The following KIF21B variants were observed in gnomAD, a reference collection of about 807,000 sequenced individuals.
KIF21B encodes kinesin family member 21B, also known as kinesin-like protein KIF21B.
KIF21B carries 85 observed loss-of-function variants against 192.9 expected under a neutral mutation model. That is an observed-to-expected ratio of 0.44 (90% CI 0.37 to 0.53). The LOEUF is 0.53. Ranked by LOEUF, KIF21B falls within the 20% of genes least tolerant of loss-of-function variation. KIF21B has a pLI of 0.00. For missense variants in KIF21B, 1,716 were observed against 2,194.8 expected (o/e 0.78, Z 4.36); for synonymous variants, 832 against 884.6 (o/e 0.94, Z 1.05).
chr1:200,999,296 C>T lies in KIF21B; in HGVS notation c.1885+53G>A. ...AGCAGGGCCCGACCCCACACTTGGG[C>T]ACTGGCAGCCAGGCATTGCATCCCC... On this transcript the variant is annotated intron_variant, in intron 13 of 34. Transcript: ENST00000461742. This position sits in a 1 kb window ranked among gnomAD's most constrained non-coding sequence, Gnocchi z 4.7. 1.2e-6 allele frequency: 2 copies of T among 1,611,022 alleles called. No individual in the cohort carries two copies. The highest frequency in any genetic ancestry group is 2.2e-5 in the South Asian group (2 of 91,048).
intron 1 of KIF21B, among the ~76,000 whole-genome samples, chr1:201,015,929 T>G (rs12121970): frequency 0.08 from 12,179 of 152,252 alleles, 667 homozygotes; most frequent in Non-Finnish European, 0.12. Context: ...ATATCCCTCT[T>G]GCCTTGTTCT....
At position 200,971,032 on chromosome 1, in the gene KIF21B, G is replaced by GGCCT. The variant is rs1655184925; in HGVS notation, c.*2485_*2488dup. 6.5e-6 allele frequency: 1 copy of GGCCT among 152,880 alleles called. No homozygotes were observed. Among genetic ancestry groups the GGCCT allele is most frequent in the African/African-American group, 2.4e-5 (1 of 41,468 alleles). 9.5% of individuals were successfully genotyped at this position (152,880 alleles called of 1,614,324 possible). On this transcript the variant is annotated 3_prime_UTR_variant, in exon 35 of 35. Coordinates refer to ENST00000461742, the MANE Select transcript of KIF21B (RefSeq NM_001252102.2). Reference sequence around the variant, plus strand: ...ACGTGGGGGGATCCTCCCGGGCCTGGGCCTGTCAAGTCTGCCTGCGGGACC... The same window carrying GGCCT: ...ACGTGGGGGGATCCTCCCGGGCCTGGGCCTGCCTGTCAAGTCTGCCTGCGGGACC...
Position 200,972,704 on chromosome 1 carries a change from G to A in KIF21B, c.*817C>T, listed in dbSNP as rs972347359. 1.3e-5 allele frequency: 2 copies of A among 152,622 alleles called. No homozygotes were observed. Among genetic ancestry groups the A allele is most frequent in the Admixed American group, 6.5e-5 (1 of 15,292 alleles). The allele number at this position is 152,622 out of a possible 1,614,324, so 9.5% of individuals were successfully genotyped here. On this transcript the variant is annotated 3_prime_UTR_variant, in exon 35 of 35. Coordinates refer to ENST00000461742, the MANE Select transcript of KIF21B (RefSeq NM_001252102.2). ...AGGCCTGAGCTGCAGAGTCGAAGGA[G>A]CAGTTCCCTCCTCTGCAAAGCAAAC...
At chr1:200,979,841 T>C (rs1203650080) in intron 29 of KIF21B, 126 bp from the exon 30 acceptor site, 1 of 709,374 alleles carries the variant, frequency 1.4e-6, no homozygotes, top group Non-Finnish European at 2.2e-6. Context: ...AGGACGGAGC[T>C]CCAGGTCTGA....
chr1:200,977,039 A>T, intron 31 of KIF21B, 146 bp from the exon 32 acceptor site: 1 of 957,862 alleles, frequency 1.0e-6, no homozygotes. Context: ...TCTAGACATG[A>T]GCTACCCTGC....
intron 15 of KIF21B, among the ~76,000 whole-genome samples, chr1:200,994,528 G>T (rs1656928202): frequency 6.6e-6 from 1 of 152,252 alleles, no homozygotes; most frequent in South Asian, 2.1e-4. Context: ...CCAGGCACGT[G>T]GCTGAAGGAG....
chr1:200,990,016 C>A lies in KIF21B; in HGVS notation c.3058G>T (p.Val1020Leu). The A allele has an allele frequency of 6.2e-7, 1 of 1,614,018 alleles. No individual in the cohort carries two copies. The highest frequency in any genetic ancestry group is 8.5e-7 in the Non-Finnish European group (1 of 1,180,008). Residue 1020 changes from valine (V) to leucine (L), a missense_variant, in exon 21 of 35, where the codon GTG becomes TTG. Val to Leu is a conservative substitution (Grantham distance 32). Around this residue, in one of 3 missense-constraint regions of KIF21B, gnomAD observed 49 missense variants for 102.6 expected, o/e 0.48. Coordinates refer to ENST00000461742, the MANE Select transcript of KIF21B (RefSeq NM_001252102.2). The surrounding 1 kb of genome is among the most constrained non-coding windows in gnomAD (Gnocchi z 5.4). ...KEELDSTDTS[V>L]VISSCSLAEA... ...GCCAGGGAGCAGGAGCTGATGACCA[C>A]GGATGTGTCTGTGGAGTCCAGCTCC...
chr1:201,004,805 G>T lies in KIF21B; in HGVS notation c.861C>A (p.Gly287=). 2.5e-6 allele frequency: 4 copies of T among 1,614,042 alleles called. No individual in the cohort carries two copies. Among genetic ancestry groups the T allele is most frequent in the Non-Finnish European group, 3.4e-6 (4 of 1,180,028 alleles). The change falls in exon 6 of 35, where the codon GGC becomes GGA. Residue 287 remains glycine (G), a synonymous_variant. Transcript: ENST00000461742. The stretch of plus-strand genomic sequence containing the variant: ...TGGAGATGCCCTCCTTGGCCCGCTC[G>T]CCAGTAGCCCCTGTCCGCTTCAGCC... ...SERLKRTGAT[G]ERAKEGISIN...
chr1:200,989,843 C>T (rs1656560509), intron 21 of KIF21B, 99 bp downstream of exon 21: 1 of 888,826 alleles, frequency 1.1e-6, no homozygotes, highest in South Asian at 1.5e-5. Context: ...GTGAGTGACG[C>T]AGGTGAGGAG....
Position 200,975,190 on chromosome 1 carries a change from A to G in KIF21B, c.4615-277T>C, listed in dbSNP as rs118053096. The stretch of plus-strand genomic sequence containing the variant: ...CTTCAGCCCTCACACGGGTCAGGCT[A>G]AAACACAAATGCTCCCAGGAAAGGA... On this transcript the variant is annotated intron_variant, in intron 33 of 34. Coordinates refer to ENST00000461742, the MANE Select transcript of KIF21B (RefSeq NM_001252102.2). This position sits in a 1 kb window ranked among gnomAD's most constrained non-coding sequence, Gnocchi z 4.3. 6.6e-6 allele frequency among the ~76,000 whole-genome samples: 1 copy of G among 152,224 alleles called. No homozygotes were observed. The highest frequency in any genetic ancestry group is 6.5e-5 in the Admixed American group (1 of 15,288).
Position 200,990,025 on chromosome 1 carries a change from C to T in KIF21B, c.3049G>A (p.Asp1017Asn). ...EETKEELDSTDTSVVISSCSL... is the reference protein window; with the variant it reads ...EETKEELDSTNTSVVISSCSL... Reference sequence around the variant, plus strand: ...CAGGAGCTGATGACCACGGATGTGTCTGTGGAGTCCAGCTCCTCCTAGGAC... The same window carrying T: ...CAGGAGCTGATGACCACGGATGTGTTTGTGGAGTCCAGCTCCTCCTAGGAC... Residue 1017 changes from aspartate to asparagine, a missense_variant, in exon 21 of 35, where the codon GAC becomes AAC. Coordinates refer to ENST00000461742, the MANE Select transcript of KIF21B (RefSeq NM_001252102.2). The surrounding 1 kb of genome is among the most constrained non-coding windows in gnomAD (Gnocchi z 5.4). The T allele has an allele frequency of 6.2e-7, 1 of 1,613,974 alleles. No homozygotes were observed. Among genetic ancestry groups the T allele is most frequent in the Middle Eastern group, 1.6e-4 (1 of 6,062 alleles).
intron 24 of KIF21B, 75 bp from the exon 25 acceptor site, chr1:200,987,276 AT>A (rs952289471): frequency 0.083 from 81,405 of 978,054 alleles, 1 homozygote; most frequent in South Asian, 0.12. Context: ...GGGAAATTCT[AT>A]TTTTTTTTTT....
rs1167121788 is a variant in KIF21B at position 201,009,470 on chromosome 1, C to G, written c.60G>C (p.Ser20=). Residue 20 remains serine, a synonymous_variant, in exon 2 of 35, where the codon TCG becomes TCC. Coordinates refer to ENST00000461742, the MANE Select transcript of KIF21B (RefSeq NM_001252102.2). The part of the protein sequence containing the change: ...KVAVRIRPQL[S]KEKIEGCHIC... ...TGTGACAGCCCTCAATCTTCTCCTT[C>G]GACAGCTGGGGCCGGATCCTGCCCA... 4.3e-6 allele frequency: 7 copies of G among 1,614,118 alleles called. 1 individual carries two copies. In the Admixed American group the frequency reaches 1.2e-4, roughly 27 times the overall value.
Position 201,023,336 on chromosome 1 carries a change from T to C in KIF21B, c.41+7A>G. 6.5e-7 allele frequency: 1 copy of C among 1,528,268 alleles called. No individual in the cohort carries two copies. The highest frequency in any genetic ancestry group is 8.8e-7 in the Non-Finnish European group (1 of 1,140,104). 94.7% of individuals were successfully genotyped at this position (1,528,268 alleles called of 1,614,324 possible). On this transcript the variant is annotated splice_region_variant and intron_variant, in intron 1 of 34. Transcript: ENST00000461742. The surrounding 1 kb of genome is among the most constrained non-coding windows in gnomAD (Gnocchi z 5.9). The stretch of plus-strand genomic sequence containing the variant: ...CGCGCGCCCCCTTCCCCGCCCCGGG[T>C]CCCTACCTGACGGCCACCTTGACGC...
rs1657233105 is a variant in KIF21B, at chr1:200,998,585, C to T, written c.1886-10G>A. ...GCCTGGAAGTTCACCTCTATGGGGG[C>T]ACAATCAGGCTCAGCCCAGCGTTAG... is the stretch of plus-strand genomic sequence containing the variant. On this transcript the variant is annotated splice_polypyrimidine_tract_variant and intron_variant, in intron 13 of 34. Coordinates refer to ENST00000461742, the MANE Select transcript of KIF21B (RefSeq NM_001252102.2). This position sits in a 1 kb window ranked among gnomAD's most constrained non-coding sequence, Gnocchi z 4.3. The T allele has an allele frequency of 1.2e-6, 2 of 1,611,474 alleles. No individual in the cohort carries two copies. Among genetic ancestry groups the T allele is most frequent in the South Asian group, 1.1e-5 (1 of 91,040 alleles).
At position 200,975,491 on chromosome 1, in the gene KIF21B, G is replaced by A; in HGVS notation, c.4614+8C>T. Reference sequence around the variant, plus strand: ...GAGTCTACCCTCTCCCTTTCCTCCTGACCCCACCTGGATGAGCTCCTGCTG... The same window carrying A: ...GAGTCTACCCTCTCCCTTTCCTCCTAACCCCACCTGGATGAGCTCCTGCTG... On this transcript the variant is annotated splice_region_variant and intron_variant, in intron 33 of 34. Coordinates refer to ENST00000461742, the MANE Select transcript of KIF21B (RefSeq NM_001252102.2). This position sits in a 1 kb window ranked among gnomAD's most constrained non-coding sequence, Gnocchi z 4.3. 2.5e-6 allele frequency: 4 copies of A among 1,606,682 alleles called. No homozygotes were observed. Among genetic ancestry groups the A allele is most frequent in the Non-Finnish European group, 3.4e-6 (4 of 1,174,372 alleles).
chr1:200,990,111 C>T lies in KIF21B; in HGVS notation c.3030+27G>A. On this transcript the variant is annotated intron_variant, in intron 20 of 34. Transcript: ENST00000461742. The surrounding 1 kb of genome is among the most constrained non-coding windows in gnomAD (Gnocchi z 5.4). ...CTGCCACCCATCTCTCCCGCCTCCG[C>T]CCCAGCAGGCCCAGCCCTGCGGATA... The T allele has an allele frequency of 6.2e-7, 1 of 1,610,776 alleles. No homozygotes were observed. Among genetic ancestry groups the T allele is most frequent in the Non-Finnish European group, 8.5e-7 (1 of 1,177,570 alleles).
intron 15 of KIF21B, 150 bp from the exon 16 acceptor site, chr1:200,992,539 G>T: frequency 1.3e-6 from 1 of 793,622 alleles, no homozygotes; most frequent in Non-Finnish European, 2.0e-6. Flanking sequence ...GAAGTGAGGG[G>T]TTCTACCTCC....
At position 201,008,665 on chromosome 1, in the gene KIF21B, C is replaced by T. The variant is rs567255604; in HGVS notation, c.447+104G>A. 51 of 1,084,066 alleles carry T rather than the reference C, an allele frequency of 4.7e-5. 2 individuals are homozygous for T. The South Asian group carries it at 7.5e-4, about 16-fold the overall frequency. 67.2% of individuals were successfully genotyped at this position (1,084,066 alleles called of 1,614,324 possible). On this transcript the variant is annotated intron_variant, in intron 3 of 34. Coordinates refer to ENST00000461742, the MANE Select transcript of KIF21B (RefSeq NM_001252102.2). Reference sequence around the variant, plus strand: ...GGAACTCATCACCTGGAGATGCCCCCATGGTTCCCAGGACTCATTCCACTG... The same window carrying T: ...GGAACTCATCACCTGGAGATGCCCCTATGGTTCCCAGGACTCATTCCACTG...
Sources: gnomAD v4.1 joint callset for allele counts (sites outside exome capture counted in the v4.1 genomes callset) on GRCh38, gnomAD v4.1.1 for gene constraint, gnomAD v4.1.1 regional missense constraint, Gnocchi (gnomAD v3.1) non-coding constraint, MANE v1.5 for transcripts, NCBI Gene and HGNC (gene_info 2026-07-23, HGNC 2026-07-21) for gene names.